FAT4: variants seen among roughly 807,000 people sequenced by gnomAD.
FAT4 encodes FAT atypical cadherin 4, also known as protocadherin Fat 4.
In FAT4, 84 loss-of-function variants were observed where a neutral mutation model predicts 303.9. The ratio of observed to expected loss-of-function variants is 0.28; its 90% confidence interval spans 0.23 to 0.33. FAT4 has a LOEUF of 0.33. FAT4 is among the 10% of genes least tolerant of loss of function. The pLI, the probability that FAT4 is intolerant of heterozygous loss-of-function variation, is 1.00. For synonymous variants in FAT4, 2,307 were observed against 2,298.8 expected, an observed-to-expected ratio of 1.00 and a Z score of -0.10; for missense variants, 6,005 against 6,146.8, an observed-to-expected ratio of 0.98 and a Z score of 0.77.
intron 2 of FAT4, among the ~76,000 whole-genome samples, chr4:125,323,269 G>C (rs1731026097): frequency 6.6e-6 from 1 of 152,136 alleles, no homozygotes; most frequent in Non-Finnish European, 1.5e-5. Context: ...TTTATCATTA[G>C]ATTTATTGTG....
At chr4:125,399,560 C>T (rs951429337) in intron 3 of FAT4, among the ~76,000 whole-genome samples, 1 of 151,892 alleles carries the variant, frequency 6.6e-6, no homozygotes, top group African/African-American at 2.4e-5. Flanking sequence ...GAACACAGAA[C>T]AGAGAATTTA....
chr4:125,468,132 C>T (rs746351552), intron 11 of FAT4, among the ~76,000 whole-genome samples: 4 of 151,696 alleles, frequency 2.6e-5, no homozygotes, highest in Non-Finnish European at 5.9e-5. Context: ...GTCTAGGCAA[C>T]AAGAGCAAAA....
chr4:125,332,268 T>C (rs955930280), intron 2 of FAT4, among the ~76,000 whole-genome samples: 2 of 151,942 alleles, frequency 1.3e-5, no homozygotes, highest in Non-Finnish European at 2.9e-5. Context: ...ATTATTTCTG[T>C]GTGGTCACAA....
chr4:125,392,428 G>A (rs1734009919), intron 2 of FAT4, among the ~76,000 whole-genome samples: 2 of 152,096 alleles, frequency 1.3e-5, no homozygotes, highest in Admixed American at 1.3e-4. Context: ...CTATTTTATA[G>A]TTTGTACAGT....
At position 125,461,314 on chromosome 4, in the gene FAT4, G is replaced by T. The variant is rs114168937; in HGVS notation, c.11801-2249G>T. 2.0e-3 allele frequency among the ~76,000 whole-genome samples: 311 copies of T among 152,130 alleles called. 2 individuals are homozygous for T. Among genetic ancestry groups the T allele is most frequent in the African/African-American group, 6.9e-3 (285 of 41,554 alleles). On this transcript the variant is annotated intron_variant, in intron 10 of 17. Transcript: ENST00000394329. ...ATTTAACTCAAGATTTATAAAGGTAGTATTTGTAAATGAAATTCAAAAAAC... is the reference window on the plus strand; with the variant it reads ...ATTTAACTCAAGATTTATAAAGGTATTATTTGTAAATGAAATTCAAAAAAC...
In FAT4 at chr4:125,320,092, A is replaced by G. The variant is rs756652048; in HGVS notation, c.3681A>G (p.Thr1227=). The change falls in exon 2 of 18, where the codon ACA becomes ACG. Residue 1227 remains threonine, a synonymous_variant. Coordinates refer to ENST00000394329, the MANE Select transcript of FAT4 (RefSeq NM_001291303.3). The part of the protein sequence containing the change: ...ATISESAANL[T]QVLRVSASDV... ...TATCAGAATCAGCAGCCAATCTGAC[A>G]CAAGTGTTAAGAGTATCTGCCTCAG... The G allele has an allele frequency of 1.9e-6, 3 of 1,613,996 alleles. No homozygotes were observed. The South Asian group carries it at 3.3e-5, about 18-fold the overall frequency.
In FAT4 at chr4:125,472,877, AGGT is replaced by A. The variant is rs1726911531; in HGVS notation, c.12214-3293_12214-3291del. 4.6e-5 allele frequency among the ~76,000 whole-genome samples: 7 copies of A among 152,300 alleles called. No homozygotes were observed. The South Asian group carries it at 1.4e-3, about 32-fold the overall frequency. On this transcript the variant is annotated intron_variant, in intron 12 of 17. Coordinates refer to ENST00000394329, the MANE Select transcript of FAT4 (RefSeq NM_001291303.3). ...ATCAAACTGCATTCAGGGTCCTACC[AGGT>A]TATTAAATGTATGTTACTTGAAATA...
At chr4:125,413,048 GTATA>G (rs1426079591) in intron 5 of FAT4, among the ~76,000 whole-genome samples, 2 of 151,634 alleles carry the variant, frequency 1.3e-5, no homozygotes, top group Admixed American at 6.6e-5. Flanking sequence ...AATTCTGTGT[GTATA>G]TATAGATACT....
At position 125,449,130 on chromosome 4, in the gene FAT4, A is replaced by C; in HGVS notation, c.8120A>C (p.Tyr2707Ser). ...KDSGPNGQLD[Y>S]EIVNGNMENS... ...AGTGGACCCAATGGACAGTTAGATT[A>C]TGAAATTGTTAATGGCAACATGGAA... Residue 2707 changes from tyrosine to serine, a missense_variant, in exon 10 of 18, where the codon TAT (tyrosine) becomes TCT (serine). Physicochemically the swap from Tyr to Ser is moderately radical, Grantham distance 144 (BLOSUM62 -2). Coordinates refer to ENST00000394329, the MANE Select transcript of FAT4 (RefSeq NM_001291303.3). 6.2e-7 allele frequency: 1 copy of C among 1,614,028 alleles called. No individual in the cohort carries two copies. Among genetic ancestry groups the C allele is most frequent in the Non-Finnish European group, 8.5e-7 (1 of 1,179,902 alleles).
rs749229531 is a variant in FAT4 at position 125,320,249 on chromosome 4, G to A, written c.3838G>A (p.Ala1280Thr). The change falls in exon 2 of 18, where the codon GCC (alanine) becomes ACC (threonine). Residue 1280 changes from alanine (A) to threonine (T), a missense_variant. Transcript: ENST00000394329. ...IGKLDYEATP[A>T]YSLVIQAVDS... is the part of the protein sequence containing the mutation. The stretch of plus-strand genomic sequence containing the variant: ...CAAATTAGACTATGAAGCAACACCT[G>A]CCTATTCCCTTGTAATTCAAGCAGT... The A allele has an allele frequency of 1.9e-6, 3 of 1,614,128 alleles. No individual in the cohort carries two copies. Among genetic ancestry groups the A allele is most frequent in the Non-Finnish European group, 2.5e-6 (3 of 1,179,996 alleles).
chr4:125,392,707 TA>T (rs1196563932), intron 2 of FAT4, among the ~76,000 whole-genome samples: 103 of 152,132 alleles, frequency 6.8e-4, no homozygotes, highest in African/African-American at 2.4e-3. Context: ...AACCTAAAAA[TA>T]GGCAAGAAGT....
chr4:125,491,276 C>A lies in FAT4; in HGVS notation c.14460C>A (p.Asp4820Glu). The A allele has an allele frequency of 1.2e-6, 2 of 1,614,152 alleles. No homozygotes were observed. Among genetic ancestry groups the A allele is most frequent in the Non-Finnish European group, 1.7e-6 (2 of 1,180,026 alleles). Residue 4820 changes from aspartate (D) to glutamate (E), a missense_variant, in exon 18 of 18, where the codon GAC (aspartate) becomes GAA (glutamate). Transcript: ENST00000394329. ...ATGGGAGGTCTTCTTCAGAGGAGGA[C>A]TGCAGAAGGCCACTGTCTAGAACAA... The part of the protein sequence containing the change: ...ADHGRSSSEE[D>E]CRRPLSRTRN...
intron 2 of FAT4, among the ~76,000 whole-genome samples, chr4:125,353,368 T>A (rs1175586695): frequency 6.6e-6 from 1 of 151,772 alleles, no homozygotes; most frequent in Non-Finnish European, 1.5e-5. Context: ...GCTTGTCCAT[T>A]TTTATATTGT....
At position 125,491,281 on chromosome 4, in the gene FAT4, G is replaced by T. The variant is rs779440961; in HGVS notation, c.14465G>T (p.Arg4822Ile). 4 of 1,614,164 alleles carry T rather than the reference G, an allele frequency of 2.5e-6. No homozygotes were observed. In the Admixed American group the frequency reaches 6.7e-5, roughly 27 times the overall value. Reference protein sequence around the residue: ...HGRSSSEEDCRRPLSRTRNPA... With the variant: ...HGRSSSEEDCIRPLSRTRNPA... ...AGGTCTTCTTCAGAGGAGGACTGCA[G>T]AAGGCCACTGTCTAGAACAAGGAAT... The change falls in exon 18 of 18, where the codon AGA becomes ATA. Residue 4822 changes from arginine (R) to isoleucine (I), a missense_variant. Coordinates refer to ENST00000394329, the MANE Select transcript of FAT4 (RefSeq NM_001291303.3).
Position 125,320,415 on chromosome 4 carries a change from C to G in FAT4, c.4004C>G (p.Ser1335Cys), listed in dbSNP as rs773667236. 6.2e-7 allele frequency: 1 copy of G among 1,613,910 alleles called. No individual in the cohort carries two copies. The highest frequency in any genetic ancestry group is 8.5e-7 in the Non-Finnish European group (1 of 1,179,826). ...AACATGAGAATTGGTGAACTCGTGT[C>G]CTCTGTTACTGCAACTGATTCCGAT... The part of the protein sequence containing the change: ...LENMRIGELV[S>C]SVTATDSDSG... Residue 1335 changes from serine to cysteine, a missense_variant, in exon 2 of 18, where the codon TCC becomes TGC. Physicochemically the swap from Ser to Cys is moderately radical, Grantham distance 112. Transcript: ENST00000394329.
At chr4:125,361,115 C>T (rs1732648982) in intron 2 of FAT4, among the ~76,000 whole-genome samples, 1 of 151,528 alleles carries the variant, frequency 6.6e-6, no homozygotes, top group Non-Finnish European at 1.5e-5. Context: ...TTACATTTTT[C>T]CCCAGTGGGG....
intron 7 of FAT4, among the ~76,000 whole-genome samples, chr4:125,427,573 T>TG (rs1455382241): frequency 6.6e-6 from 1 of 151,682 alleles, no homozygotes; most frequent in Non-Finnish European, 1.5e-5. Context: ...TTATGTATTT[T>TG]TTGTATTCAA....
chr4:125,453,399 A>G (rs1726165422), intron 10 of FAT4, among the ~76,000 whole-genome samples: 1 of 152,158 alleles, frequency 6.6e-6, no homozygotes, highest in Admixed American at 6.6e-5. Flanking sequence ...TCATGTTTTC[A>G]GATTTAGATT....
Position 125,415,769 on chromosome 4 carries a change from C to T in FAT4, c.6806C>T (p.Pro2269Leu), listed in dbSNP as rs1735031536. Residue 2269 changes from proline to leucine, a missense_variant, in exon 6 of 18, where the codon CCT (proline) becomes CTT (leucine). Coordinates refer to ENST00000394329, the MANE Select transcript of FAT4 (RefSeq NM_001291303.3). ...CTATCTCCATATTCTGTAAATGTCC[C>T]TGAGAATTTAGGGACACTACCCAGA... The part of the protein sequence containing the change: ...FELSPYSVNV[P>L]ENLGTLPRTI... 2 of 1,613,558 alleles carry T rather than the reference C, an allele frequency of 1.2e-6. No individual in the cohort carries two copies. Among genetic ancestry groups the T allele is most frequent in the Non-Finnish European group, 1.7e-6 (2 of 1,179,718 alleles).
Sources: allele counts gnomAD v4.1 joint callset (sites outside exome capture counted in the v4.1 genomes callset), GRCh38; gene constraint gnomAD v4.1.1; transcripts MANE v1.5; gene names NCBI Gene and HGNC (gene_info 2026-07-23, HGNC 2026-07-21).